F13A1: variants seen among roughly 807,000 people sequenced by gnomAD.
The protein encoded by F13A1 is coagulation factor XIII A chain, also known as FSF, A subunit.
Under a neutral mutation model 80.1 loss-of-function variants are expected in F13A1, and 47 were observed. The observed-to-expected ratio is 0.59, with a 90% CI of 0.46 to 0.75. The LOEUF is 0.75. Ranked by LOEUF, F13A1 falls within the 30% of genes least tolerant of loss-of-function variation. F13A1 has a pLI of 0.00. For synonymous variants in F13A1, 349 were observed against 344.9 expected (o/e 1.01, Z -0.13); for missense variants, 817 against 930.4 (o/e 0.88, Z 1.59).
intron 2 of F13A1, among the ~76,000 whole-genome samples, chr6:6,313,279 C>CTTTTTTTTT (rs1331326098): frequency 4.0e-5 from 4 of 100,322 alleles, no homozygotes; most frequent in African/African-American, 1.8e-4. Context: ...TGCTAAGCCG[C>CTTTTTTTTT]CTTTTTTTTT....
At chr6:6,309,405 T>C (rs141526868) in intron 2 of F13A1, among the ~76,000 whole-genome samples, 3 of 152,152 alleles carry the variant, frequency 2.0e-5, no homozygotes, top group East Asian at 3.9e-4. Context: ...ACATAAGCAG[T>C]GAGCAAAAGA....
At chr6:6,217,882 A>C (rs1757125663) in intron 8 of F13A1, among the ~76,000 whole-genome samples, 2 of 152,056 alleles carry the variant, frequency 1.3e-5, no homozygotes, top group Non-Finnish European at 1.5e-5. Flanking sequence ...GTTTGTTTAT[A>C]GATTAAGACC....
In F13A1 at chr6:6,305,259, G is replaced by T. The variant is rs775185029; in HGVS notation, c.319+92C>A. On this transcript the variant is annotated intron_variant, in intron 3 of 14. Transcript: ENST00000264870. Reference sequence around the variant, plus strand: ...CCAGCTCCTGCCACTGTTGACATATGACACTAGGAAATCACACAACTGTGC... The same window carrying T: ...CCAGCTCCTGCCACTGTTGACATATTACACTAGGAAATCACACAACTGTGC... 4 of 1,394,214 alleles carry T rather than the reference G, an allele frequency of 2.9e-6. No homozygotes were observed. In the Admixed American group the frequency reaches 5.1e-5, roughly 18 times the overall value. 86.4% of individuals were successfully genotyped at this position (1,394,214 alleles called of 1,614,324 possible).
Position 6,316,094 on chromosome 6 carries a change from T to C in F13A1, c.130+2441A>G, listed in dbSNP as rs1438267616. Among the ~76,000 whole-genome samples, 79 of 20,038 alleles carry C rather than the reference T, an allele frequency of 3.9e-3. 4 individuals carry two copies. The highest frequency in any genetic ancestry group is 0.016 in the African/African-American group (56 of 3,510). 13.1% of individuals were successfully genotyped at this position (20,038 alleles called of 152,430 possible). On this transcript the variant is annotated intron_variant, in intron 2 of 14. Transcript: ENST00000264870. Reference sequence around the variant, plus strand: ...GTGTGTGTGCATATATATATATATATATATATATATATATATATATATATA... The same window carrying C: ...GTGTGTGTGCATATATATATATATACATATATATATATATATATATATATA...
intron 8 of F13A1, among the ~76,000 whole-genome samples, chr6:6,205,200 G>A (rs984255592): frequency 1.2e-4 from 18 of 152,236 alleles, no homozygotes; most frequent in African/African-American, 4.1e-4. Flanking sequence ...GAGAAGTCAC[G>A]TGTAAATACA....
intron 4 of F13A1, among the ~76,000 whole-genome samples, chr6:6,254,936 G>A (rs1757683611): frequency 6.6e-6 from 1 of 152,074 alleles, no homozygotes; most frequent in African/African-American, 2.4e-5. Context: ...TTTAAGTGAA[G>A]CTACCCATTT....
chr6:6,257,062 G>C (rs976083856), intron 4 of F13A1, among the ~76,000 whole-genome samples: 1 of 152,170 alleles, frequency 6.6e-6, no homozygotes, highest in African/African-American at 2.4e-5. Context: ...TTTAGAGCGA[G>C]GGGATTAGGA....
At chr6:6,272,041 G>A (rs17141965) in intron 3 of F13A1, among the ~76,000 whole-genome samples, 3,627 of 152,322 alleles carry the variant, frequency 0.024, 134 homozygotes, top group African/African-American at 0.082. Context: ...AGATAGGAAA[G>A]AGAAATCTAG....
chr6:6,182,195 A>C, intron 10 of F13A1, 54 bp from the exon 11 acceptor site: 1 of 1,599,660 alleles, frequency 6.3e-7, no homozygotes, highest in South Asian at 1.1e-5. Flanking sequence ...CTGTTGCCAA[A>C]GTCTTTAACT....
chr6:6,295,707 C>T (rs1185677397), intron 3 of F13A1, among the ~76,000 whole-genome samples: 3 of 143,398 alleles, frequency 2.1e-5, no homozygotes, highest in Non-Finnish European at 4.5e-5. Flanking sequence ...CCTGTTCACT[C>T]TGATGGTAGT....
chr6:6,144,243 A>G lies in F13A1; in HGVS notation c.*1376T>C, dbSNP rs1760235870. The G allele has an allele frequency of 6.6e-6, 1 of 152,198 alleles. No individual in the cohort carries two copies. Among genetic ancestry groups the G allele is most frequent in the Non-Finnish European group, 1.5e-5 (1 of 68,044 alleles). The allele number at this position is 152,198 out of a possible 1,614,324, so 9.4% of individuals were successfully genotyped here. A position where few individuals can be genotyped will look rare whatever the true frequency, so the allele number is the denominator to read the frequency against. The stretch of plus-strand genomic sequence containing the variant: ...GTGAGATTACTTAGTAAAGTTAAGT[A>G]TGATGTATATATAGAGGGGACCAGC... On this transcript the variant is annotated 3_prime_UTR_variant, in exon 15 of 15. Transcript: ENST00000264870.
intron 2 of F13A1, among the ~76,000 whole-genome samples, chr6:6,316,679 C>T (rs1758690419): frequency 6.6e-6 from 1 of 152,166 alleles, no homozygotes; most frequent in Non-Finnish European, 1.5e-5. Context: ...CCCTGGAGTG[C>T]TTTCCTGACC....
chr6:6,284,810 G>C (rs949929992), intron 3 of F13A1, among the ~76,000 whole-genome samples: 1 of 152,190 alleles, frequency 6.6e-6, no homozygotes, highest in African/African-American at 2.4e-5. Flanking sequence ...AGTTCCTCAA[G>C]AGTCATCTCA....
chr6:6,217,945 T>C (rs1757126744), intron 8 of F13A1, among the ~76,000 whole-genome samples: 1 of 152,212 alleles, frequency 6.6e-6, no homozygotes, highest in Non-Finnish European at 1.5e-5. Flanking sequence ...CAAGCAATTC[T>C]GTTTATTCAG....
chr6:6,273,033 G>A (rs1757942939), intron 3 of F13A1, among the ~76,000 whole-genome samples: 1 of 151,790 alleles, frequency 6.6e-6, no homozygotes, highest in Non-Finnish European at 1.5e-5. Flanking sequence ...TAATGGAGCA[G>A]CTTTTAATAA....
intron 12 of F13A1, 97 bp downstream of exon 12, chr6:6,174,483 C>A (rs1488494637): frequency 5.2e-5 from 72 of 1,385,244 alleles, no homozygotes; most frequent in Non-Finnish European, 6.7e-5. Context: ...TTGGAGGGAA[C>A]TTTAACTTTG....
At chr6:6,161,548 G>A (rs2151071156) in intron 13 of F13A1, among the ~76,000 whole-genome samples, 1 of 151,302 alleles carries the variant, frequency 6.6e-6, no homozygotes, top group East Asian at 1.9e-4. Flanking sequence ...GTGTGTGTGT[G>A]TGTGAGAGAG....
chr6:6,319,384 G>T (rs1003789730), intron 1 of F13A1, among the ~76,000 whole-genome samples: 4 of 152,192 alleles, frequency 2.6e-5, no homozygotes, highest in African/African-American at 7.2e-5. Flanking sequence ...AGGTGGAGAG[G>T]TTGGGCATGC....
chr6:6,280,733 T>G (rs1011958205), intron 3 of F13A1, among the ~76,000 whole-genome samples: 1 of 152,226 alleles, frequency 6.6e-6, no homozygotes, highest in Admixed American at 6.5e-5. Flanking sequence ...CCTTAGAATA[T>G]ATTCCAATCT....
Sources: allele counts gnomAD v4.1 joint callset (sites outside exome capture counted in the v4.1 genomes callset), GRCh38; gene constraint gnomAD v4.1.1; transcripts MANE v1.5; gene names NCBI Gene and HGNC (gene_info 2026-07-23, HGNC 2026-07-21).